Variants in ADAMTSL3 observed in about 807,000 individuals in gnomAD.
ADAMTSL3 encodes the protein ADAMTS like 3.
In ADAMTSL3, 128 loss-of-function variants were observed where a neutral mutation model predicts 201.7. The observed-to-expected ratio is 0.63, with a 90% CI of 0.55 to 0.73. The LOEUF (loss-of-function observed/expected upper bound fraction) is 0.73. Ranked by LOEUF, ADAMTSL3 falls within the 30% of genes least tolerant of loss-of-function variation. ADAMTSL3 has a pLI of 0.00. For synonymous variants in ADAMTSL3, 738 were observed against 748.4 expected (o/e 0.99, Z 0.23); for missense variants, 1,990 against 2,119.6 (o/e 0.94, Z 1.20).
At chr15:83,823,895 C>CTTCTTCTTCTAA (rs2063939871) in intron 6 of ADAMTSL3, among the ~76,000 whole-genome samples, 1 of 15,094 alleles carries the variant, frequency 6.6e-5, no homozygotes, top group African/African-American at 1.5e-4. Context: ...TCTTCTTCCT[C>CTTCTTCTTCTAA]TTCTTCTTCT....
intron 9 of ADAMTSL3, among the ~76,000 whole-genome samples, chr15:83,884,556 T>A (rs2065350540): frequency 6.6e-6 from 1 of 152,134 alleles, no homozygotes; most frequent in African/African-American, 2.4e-5. Context: ...ATTACAGGTG[T>A]GAGCCACCGT....
intron 2 of ADAMTSL3, among the ~76,000 whole-genome samples, chr15:83,668,631 C>G (rs2061282341): frequency 6.6e-6 from 1 of 152,070 alleles, no homozygotes; most frequent in South Asian, 2.1e-4. Context: ...TTCCTTTAAA[C>G]TCATATTTCT....
At chr15:83,759,828 CAT>C (rs1374061086) in intron 3 of ADAMTSL3, among the ~76,000 whole-genome samples, 1 of 152,068 alleles carries the variant, frequency 6.6e-6, no homozygotes, top group Non-Finnish European at 1.5e-5. Flanking sequence ...CATAAAGAAA[CAT>C]AATATATTTC....
At chr15:83,657,106 G>C (rs1321784253) in intron 2 of ADAMTSL3, among the ~76,000 whole-genome samples, 1 of 152,196 alleles carries the variant, frequency 6.6e-6, no homozygotes, top group Non-Finnish European at 1.5e-5. Flanking sequence ...CGAGATGACT[G>C]TTGAGGTAAA....
chr15:84,000,982 A>G (rs143249241), intron 23 of ADAMTSL3, among the ~76,000 whole-genome samples: 1 of 152,316 alleles, frequency 6.6e-6, no homozygotes, highest in Admixed American at 6.5e-5. Flanking sequence ...TGAGCAGGGT[A>G]ATGGTGTGAA....
At chr15:83,816,960 C>T (rs1042234957) in intron 5 of ADAMTSL3, among the ~76,000 whole-genome samples, 10 of 152,136 alleles carry the variant, frequency 6.6e-5, no homozygotes, top group African/African-American at 9.7e-5. Context: ...CATGCCACTG[C>T]GCTCCATCCT....
At chr15:83,980,803 A>T (rs1335496120) in intron 20 of ADAMTSL3, among the ~76,000 whole-genome samples, 1 of 152,200 alleles carries the variant, frequency 6.6e-6, no homozygotes, top group African/African-American at 2.4e-5. Flanking sequence ...GACACCACGA[A>T]ACCCCAGTAG....
chr15:83,706,991 G>A (rs1444948260), intron 3 of ADAMTSL3, among the ~76,000 whole-genome samples: 1 of 152,040 alleles, frequency 6.6e-6, no homozygotes, highest in Non-Finnish European at 1.5e-5. Context: ...TCTTAATGCT[G>A]AACATGCTTC....
At chr15:84,019,755 G>T (rs573819360) in intron 25 of ADAMTSL3, among the ~76,000 whole-genome samples, 1 of 151,704 alleles carries the variant, frequency 6.6e-6, no homozygotes, top group Non-Finnish European at 1.5e-5. Context: ...AGCCCGGCGC[G>T]GTGGTGCACA....
chr15:83,836,643 T>C (rs926562402), intron 6 of ADAMTSL3, among the ~76,000 whole-genome samples: 1 of 152,188 alleles, frequency 6.6e-6, no homozygotes, highest in Non-Finnish European at 1.5e-5. Flanking sequence ...AATAATAACA[T>C]TGGCCCTTTT....
chr15:83,720,696 C>G (rs1427917029), intron 3 of ADAMTSL3, among the ~76,000 whole-genome samples: 3 of 152,174 alleles, frequency 2.0e-5, no homozygotes, highest in Non-Finnish European at 2.9e-5. Flanking sequence ...AGTAAGTATG[C>G]CCTGCTGTTG....
chr15:83,815,264 G>C (rs145760256), intron 5 of ADAMTSL3, among the ~76,000 whole-genome samples: 2 of 152,118 alleles, frequency 1.3e-5, no homozygotes, highest in Admixed American at 6.5e-5. Flanking sequence ...TTAACTCTTG[G>C]ATAACAATTC....
intron 16 of ADAMTSL3, among the ~76,000 whole-genome samples, chr15:83,918,349 T>C (rs1278417414): frequency 6.6e-6 from 1 of 152,234 alleles, no homozygotes; most frequent in Non-Finnish European, 1.5e-5. Context: ...AACTGAACTC[T>C]AATAGGAAAA....
intron 2 of ADAMTSL3, among the ~76,000 whole-genome samples, chr15:83,688,982 TG>T (rs1310190006): frequency 6.6e-6 from 1 of 151,928 alleles, no homozygotes; most frequent in Non-Finnish European, 1.5e-5. Context: ...CTAATTTTTT[TG>T]TTTTTGTTTT....
intron 19 of ADAMTSL3, among the ~76,000 whole-genome samples, chr15:83,950,989 ATTTCT>A (rs1231764551): frequency 3.5e-5 from 5 of 141,932 alleles, no homozygotes; most frequent in East Asian, 2.0e-4. Context: ...GATGCCCTTT[ATTTCT>A]TTTCTTTTCT....
chr15:83,801,052 C>T (rs1226742919), intron 4 of ADAMTSL3, among the ~76,000 whole-genome samples: 1 of 152,092 alleles, frequency 6.6e-6, no homozygotes, highest in Non-Finnish European at 1.5e-5. Flanking sequence ...TTCTACCATC[C>T]TCCCAGTTTG....
Position 83,983,287 on chromosome 15 carries a change from C to G in ADAMTSL3, c.3659C>G (p.Pro1220Arg). 1 of 1,599,738 alleles carries G rather than the reference C, an allele frequency of 6.3e-7. No individual in the cohort carries two copies. Among genetic ancestry groups the G allele is most frequent in the South Asian group, 1.1e-5 (1 of 88,086 alleles). Residue 1220 changes from proline (P) to arginine (R), a missense_variant, in exon 21 of 30, where the codon CCC (proline) becomes CGC (arginine). Pro to Arg is a moderately radical substitution (Grantham distance 103, BLOSUM62 -2). Coordinates refer to ENST00000286744, the MANE Select transcript of ADAMTSL3 (RefSeq NM_207517.3). ...AATATACTGTGTGACCTTATTACCC[C>G]CAGTGAGGCCACATATACATGGACC... ...VINILCDLIT[P>R]SEATYTWTKD...
At chr15:83,886,618 G>C (rs996820975) in intron 10 of ADAMTSL3, among the ~76,000 whole-genome samples, 23 of 152,098 alleles carry the variant, frequency 1.5e-4, no homozygotes, top group African/African-American at 5.3e-4. Flanking sequence ...GCTCAGGTAT[G>C]GTCTTGTTTG....
intron 2 of ADAMTSL3, among the ~76,000 whole-genome samples, chr15:83,697,608 G>A (rs1268030197): frequency 6.6e-6 from 1 of 152,174 alleles, no homozygotes; most frequent in Non-Finnish European, 1.5e-5. Flanking sequence ...ATAGAATAAA[G>A]GATAAAGATG....
Sources: gnomAD v4.1 joint callset for allele counts (sites outside exome capture counted in the v4.1 genomes callset) on GRCh38, gnomAD v4.1.1 for gene constraint, MANE v1.5 for transcripts, NCBI Gene and HGNC (gene_info 2026-07-23, HGNC 2026-07-21) for gene names.